The following DAD1 variants were observed in gnomAD, a reference collection of about 807,000 sequenced individuals.
DAD1 encodes the protein dolichyl-diphosphooligosaccharide--protein glycosyltransferase subunit DAD1.
A neutral mutation model predicts 9.0 loss-of-function variants in DAD1; 4 were observed. The observed-to-expected ratio is 0.44, with a 90% CI of 0.22 to 1.01. The LOEUF (loss-of-function observed/expected upper bound fraction) is 1.01. DAD1 is among the 50% of genes least tolerant of loss of function. The pLI is 0.24. For missense variants in DAD1, 119 were observed against 137.3 expected, an observed-to-expected ratio of 0.87 and a Z score of 0.67; for synonymous variants, 60 against 62.5, an observed-to-expected ratio of 0.96 and a Z score of 0.19.
At chr14:22,578,515 C>T (rs2037093806) in intron 1 of DAD1, among the ~76,000 whole-genome samples, 1 of 152,162 alleles carries the variant, frequency 6.6e-6, no homozygotes, top group African/African-American at 2.4e-5. Context: ...TGCAGTGAGC[C>T]GAGATTGCGC....
chr14:22,584,184 C>T (rs2037136847), intron 1 of DAD1, among the ~76,000 whole-genome samples: 1 of 152,112 alleles, frequency 6.6e-6, no homozygotes, highest in Non-Finnish European at 1.5e-5. Flanking sequence ...CCTAGCACAT[C>T]ATTGCTCACT....
In DAD1 at chr14:22,588,965, C is replaced by T; in HGVS notation, c.193G>A (p.Gly65Arg). 6.2e-7 allele frequency: 1 copy of T among 1,614,162 alleles called. No homozygotes were observed. The highest frequency in any genetic ancestry group is 8.5e-7 in the Non-Finnish European group (1 of 1,180,030). Residue 65 changes from glycine to arginine, a missense_variant, in exon 1 of 3, where the codon GGG becomes AGG. Physicochemically the swap from Gly to Arg is moderately radical, Grantham distance 125 (BLOSUM62 -2). Coordinates refer to ENST00000250498, the MANE Select transcript of DAD1 (RefSeq NM_001344.4). Reference sequence around the variant, plus strand: ...CCATTACCCGCTAGGATGAAACTCCCCACACAAGAGATGAAGCCCGAGAGA... The same window carrying T: ...CCATTACCCGCTAGGATGAAACTCCTCACACAAGAGATGAAGCCCGAGAGA... ...SFLSGFISCV[G>R]SFILAVCLRI...
At chr14:22,566,105 T>C (rs1312638456) in intron 2 of DAD1, among the ~76,000 whole-genome samples, 1 of 152,256 alleles carries the variant, frequency 6.6e-6, no homozygotes, top group African/African-American at 2.4e-5. Context: ...TCAGCCAGAA[T>C]GCTTTTATTT....
chr14:22,578,032 T>A, intron 1 of DAD1, among the ~76,000 whole-genome samples: 1 of 151,466 alleles, frequency 6.6e-6, no homozygotes, highest in Non-Finnish European at 1.5e-5. Flanking sequence ...GGCAGGCGGA[T>A]CACCTGAGGT....
intron 1 of DAD1, among the ~76,000 whole-genome samples, chr14:22,582,381 G>A (rs1360228119): frequency 2.0e-5 from 3 of 151,200 alleles, no homozygotes; most frequent in South Asian, 2.1e-4. Flanking sequence ...AAAATTAGCC[G>A]GTCATTGTGG....
intron 1 of DAD1, among the ~76,000 whole-genome samples, chr14:22,585,920 C>T: frequency 1.3e-5 from 2 of 152,328 alleles, no homozygotes; most frequent in Admixed American, 1.3e-4. Flanking sequence ...AAAAAGCACC[C>T]TCAGTGCCGG....
chr14:22,586,252 G>C (rs1443525021), intron 1 of DAD1, among the ~76,000 whole-genome samples: 1 of 149,926 alleles, frequency 6.7e-6, no homozygotes, highest in Non-Finnish European at 1.5e-5. Flanking sequence ...ACAGGATAAA[G>C]TCCAAATTCC....
intron 1 of DAD1, among the ~76,000 whole-genome samples, chr14:22,586,698 A>G (rs2037155520): frequency 6.6e-6 from 1 of 152,204 alleles, no homozygotes; most frequent in African/African-American, 2.4e-5. Flanking sequence ...TAGAAACCCC[A>G]GCACCATAAA....
chr14:22,579,696 TAA>T (rs770534814), intron 1 of DAD1, among the ~76,000 whole-genome samples: 2 of 152,098 alleles, frequency 1.3e-5, no homozygotes, highest in Non-Finnish European at 2.9e-5. Context: ...AAAAAAAAAT[TAA>T]AACAGTCTAA....
At chr14:22,586,481 G>A (rs1320326660) in intron 1 of DAD1, among the ~76,000 whole-genome samples, 1 of 152,134 alleles carries the variant, frequency 6.6e-6, no homozygotes, top group East Asian at 1.9e-4. Flanking sequence ...GGAGACAGAG[G>A]TTGCAGTGAA....
intron 1 of DAD1, among the ~76,000 whole-genome samples, chr14:22,578,995 T>C (rs2139243144): frequency 6.6e-6 from 1 of 152,332 alleles, no homozygotes; most frequent in East Asian, 1.9e-4. Flanking sequence ...TATAAAAATG[T>C]GAATTATTTT....
chr14:22,571,227 A>ATTGC (rs1336459032), intron 2 of DAD1, among the ~76,000 whole-genome samples: 1 of 148,332 alleles, frequency 6.7e-6, no homozygotes, highest in Non-Finnish European at 1.5e-5. Context: ...CGGCAGGAGA[A>ATTGC]TTGCTTGAAC....
chr14:22,589,087 A>C lies in DAD1; in HGVS notation c.71T>G (p.Leu24Arg). 1 of 1,614,224 alleles carries C rather than the reference A, an allele frequency of 6.2e-7. No individual in the cohort carries two copies. Among genetic ancestry groups the C allele is most frequent in the Non-Finnish European group, 8.5e-7 (1 of 1,180,040 alleles). The change falls in exon 1 of 3, where the codon CTG (leucine) becomes CGG (arginine). Residue 24 changes from leucine to arginine, a missense_variant. By Grantham distance (102) the Leu-to-Arg change is moderately radical. Transcript: ENST00000250498. ...EEYLSSTPQR[L>R]KLLDAYLLYI... The stretch of plus-strand genomic sequence containing the variant: ...CAGCAGGTACGCGTCCAGCAACTTC[A>C]GACGCTGCGGAGTGGAGCTCAAGTA...
chr14:22,588,361 C>A (rs2037168112), intron 1 of DAD1, among the ~76,000 whole-genome samples: 1 of 152,064 alleles, frequency 6.6e-6, no homozygotes, highest in Non-Finnish European at 1.5e-5. Flanking sequence ...GTTACCAAAT[C>A]CTGGAATCAA....
chr14:22,573,068 A>G (rs1047869778), intron 2 of DAD1, among the ~76,000 whole-genome samples: 5 of 152,062 alleles, frequency 3.3e-5, no homozygotes, highest in African/African-American at 1.2e-4. Flanking sequence ...TTTTTGCAGC[A>G]CTTTGTTCAA....
At position 22,565,082 on chromosome 14, in the gene DAD1, G is replaced by A; in HGVS notation, c.*100C>T. The A allele has an allele frequency of 2.9e-6, 2 of 701,642 alleles. No individual in the cohort carries two copies. The highest frequency in any genetic ancestry group is 5.2e-6 in the Non-Finnish European group (2 of 384,576). 43.5% of individuals were successfully genotyped at this position (701,642 alleles called of 1,614,324 possible). The stretch of plus-strand genomic sequence containing the variant: ...AAGTGCAAATCTGAAGAAAATCCAT[G>A]TGTCCAATAAGCTGCCATCTCCAGA... On this transcript the variant is annotated 3_prime_UTR_variant, in exon 3 of 3. Coordinates refer to ENST00000250498, the MANE Select transcript of DAD1 (RefSeq NM_001344.4).
intron 1 of DAD1, among the ~76,000 whole-genome samples, chr14:22,582,188 A>G (rs1431151111): frequency 7.2e-6 from 1 of 139,222 alleles, no homozygotes; most frequent in Non-Finnish European, 1.5e-5. Context: ...GCCTGGCGAC[A>G]CAGTGAGACT....
At chr14:22,585,982 G>C (rs557440094) in intron 1 of DAD1, among the ~76,000 whole-genome samples, 1 of 152,140 alleles carries the variant, frequency 6.6e-6, no homozygotes, top group African/African-American at 2.4e-5. Context: ...CGAGGCGGGC[G>C]AATCACGAGG....
chr14:22,588,095 G>T (rs5742734), intron 1 of DAD1, among the ~76,000 whole-genome samples: 1 of 152,038 alleles, frequency 6.6e-6, no homozygotes, highest in Non-Finnish European at 1.5e-5. Context: ...AACTCTTTAC[G>T]GATAAAGAAC....
Sources: gnomAD v4.1 joint callset for allele counts (sites outside exome capture counted in the v4.1 genomes callset) on GRCh38, gnomAD v4.1.1 for gene constraint, MANE v1.5 for transcripts, NCBI Gene and HGNC (gene_info 2026-07-23, HGNC 2026-07-21) for gene names.